The following SUMF1 variants were observed in gnomAD, a reference collection of about 807,000 sequenced individuals.
SUMF1 encodes sulfatase modifying factor 1.
In SUMF1, 48 loss-of-function variants were observed where a neutral mutation model predicts 47.6. The ratio of observed to expected loss-of-function variants is 1.01; its 90% CI spans 0.80 to 1.28. The LOEUF (loss-of-function observed/expected upper bound fraction) is 1.28, where lower values mean the gene tolerates loss of function less well. SUMF1 is among the 50% of genes most tolerant of loss of function. The probability of loss-of-function intolerance (pLI) is 0.00; values close to 1 mark genes in which losing one functional copy is unlikely to be tolerated. For missense variants in SUMF1, 571 were observed against 485.4 expected (o/e 1.18, Z -1.66); for synonymous variants, 230 against 192.1 (o/e 1.20, Z -1.63).
chr3:4,221,329 A>G (rs1484990141), intron 8 of SUMF1, among the ~76,000 whole-genome samples: 1 of 152,080 alleles, frequency 6.6e-6, no homozygotes, highest in Non-Finnish European at 1.5e-5. Context: ...TTAAGTTGCC[A>G]TGAATCTTAA....
chr3:4,218,670 G>A (rs1043784790), intron 8 of SUMF1, among the ~76,000 whole-genome samples: 3 of 152,188 alleles, frequency 2.0e-5, no homozygotes, highest in African/African-American at 7.2e-5. Context: ...CAGACTTCGT[G>A]TGAGAGCATC....
chr3:4,365,381 T>A (rs1699918156), intron 8 of SUMF1, among the ~76,000 whole-genome samples: 2 of 123,606 alleles, frequency 1.6e-5, no homozygotes, highest in South Asian at 4.7e-4. Context: ...CAGGATTTGC[T>A]TTATGAATCT....
At chr3:4,039,209 ATTTTTTTTTTTTT>A (rs775459424) in intron 9 of SUMF1, among the ~76,000 whole-genome samples, 1 of 39,472 alleles carries the variant, frequency 2.5e-5, no homozygotes, top group East Asian at 1.6e-3. Context: ...ATCTATGCAA[ATTTTTTTTTTTTT>A]TTTTTTTTTT....
intron 8 of SUMF1, chr3:4,303,992 C>T (rs1476887463): frequency 5.5e-6 from 3 of 546,256 alleles, no homozygotes; most frequent in African/African-American, 4.1e-5. Flanking sequence ...TGTAAATTAG[C>T]TGTGGCTCAG....
chr3:4,373,135 CAT>C (rs1397793589), intron 8 of SUMF1, among the ~76,000 whole-genome samples: 5 of 151,770 alleles, frequency 3.3e-5, no homozygotes, highest in Middle Eastern at 3.2e-3. Flanking sequence ...GATTATAAAA[CAT>C]AGAGTTACAA....
At chr3:4,061,429 T>A (rs997288490) in intron 9 of SUMF1, among the ~76,000 whole-genome samples, 2 of 152,142 alleles carry the variant, frequency 1.3e-5, no homozygotes, top group Non-Finnish European at 2.9e-5. Context: ...GACCAATTCC[T>A]CTTCCTTACC....
intron 3 of SUMF1, among the ~76,000 whole-genome samples, chr3:4,427,672 C>T (rs1463334464): frequency 6.6e-6 from 1 of 152,160 alleles, no homozygotes; most frequent in African/African-American, 2.4e-5. Flanking sequence ...CAGACTTGAA[C>T]TTTTCAATAC....
chr3:4,409,639 A>G (rs1281126829), intron 7 of SUMF1, among the ~76,000 whole-genome samples: 1 of 152,218 alleles, frequency 6.6e-6, no homozygotes, highest in Non-Finnish European at 1.5e-5. Flanking sequence ...AGAGAATGAC[A>G]TCTCCCAACC....
rs527994056 is a variant in SUMF1 at position 4,166,938 on chromosome 3, G to A, written c.1015-98193C>T. ...CTGACACCCATGTGTTTAGTCCAGC[G>A]GCTGCACTAGTCACTTTTAACTGGC... On this transcript the variant is annotated intron_variant and NMD_transcript_variant, in intron 8 of 12. Coordinates refer to the SUMF1 transcript ENST00000448413. Among the ~76,000 whole-genome samples, 29 of 152,188 alleles carry A rather than the reference G, an allele frequency of 1.9e-4. No individual in the cohort carries two copies. The South Asian group carries it at 2.1e-3, about 11-fold the overall frequency.
chr3:4,306,110 A>G (rs1698177619), intron 8 of SUMF1, among the ~76,000 whole-genome samples: 1 of 152,184 alleles, frequency 6.6e-6, no homozygotes, highest in African/African-American at 2.4e-5. Flanking sequence ...GGTGTTTACA[A>G]CTGTCACGAT....
At chr3:4,057,923 T>C (rs1695218607) in intron 9 of SUMF1, among the ~76,000 whole-genome samples, 1 of 152,148 alleles carries the variant, frequency 6.6e-6, no homozygotes, top group Non-Finnish European at 1.5e-5. Flanking sequence ...CTCTAATATA[T>C]GCCTTGTGAA....
intron 8 of SUMF1, among the ~76,000 whole-genome samples, chr3:4,098,409 T>C (rs978735558): frequency 2.6e-5 from 4 of 152,162 alleles, no homozygotes; most frequent in Non-Finnish European, 4.4e-5. Flanking sequence ...TGGTAGAGCC[T>C]GAAAAACTGT....
chr3:4,069,996 G>T (rs1472291630), intron 8 of SUMF1, among the ~76,000 whole-genome samples: 1 of 152,142 alleles, frequency 6.6e-6, no homozygotes, highest in Non-Finnish European at 1.5e-5. Flanking sequence ...TGCTCTCTCT[G>T]AAGTCTGCTA....
intron 8 of SUMF1, among the ~76,000 whole-genome samples, chr3:4,222,285 C>T (rs910545003): frequency 8.6e-5 from 13 of 151,916 alleles, no homozygotes; most frequent in African/African-American, 2.9e-4. Flanking sequence ...AGGAAGCTGC[C>T]TTTGGCCAGC....
chr3:4,372,867 G>A (rs1337271312), intron 8 of SUMF1, among the ~76,000 whole-genome samples: 1 of 152,160 alleles, frequency 6.6e-6, no homozygotes, highest in African/African-American at 2.4e-5. Context: ...CCGACACTAT[G>A]CTATTTTCCT....
At chr3:4,244,158 T>G (rs1696607285) in intron 8 of SUMF1, among the ~76,000 whole-genome samples, 1 of 152,212 alleles carries the variant, frequency 6.6e-6, no homozygotes, top group South Asian at 2.1e-4. Context: ...TGTGTGTCTT[T>G]GCATGTGAGA....
At chr3:4,270,166 TTGA>T (rs1196597247) in intron 8 of SUMF1, among the ~76,000 whole-genome samples, 1 of 152,070 alleles carries the variant, frequency 6.6e-6, no homozygotes, top group Non-Finnish European at 1.5e-5. Context: ...GGAAACTAAA[TTGA>T]TGATACACTG....
chr3:4,452,153 C>T (rs977990173), intron 2 of SUMF1, among the ~76,000 whole-genome samples: 3 of 151,120 alleles, frequency 2.0e-5, no homozygotes, highest in African/African-American at 7.3e-5. Flanking sequence ...AGAATAGGGA[C>T]CCCACGAACT....
chr3:4,342,098 G>T (rs1275966966), intron 8 of SUMF1, among the ~76,000 whole-genome samples: 2 of 152,222 alleles, frequency 1.3e-5, no homozygotes, highest in Non-Finnish European at 2.9e-5. Flanking sequence ...ATGTAATCTA[G>T]CAGGCTAACT....
Sources: allele counts gnomAD v4.1 joint callset (sites outside exome capture counted in the v4.1 genomes callset), GRCh38; gene constraint gnomAD v4.1.1; transcripts MANE v1.5; gene names NCBI Gene and HGNC (gene_info 2026-07-23, HGNC 2026-07-21).